The following SYNE1 variants were observed in gnomAD, a reference collection of about 807,000 sequenced individuals.
SYNE1 encodes the protein spectrin repeat containing nuclear envelope protein 1, also known as nesprin-1.
A neutral mutation model predicts 1,111.0 loss-of-function variants in SYNE1; 616 were observed. The ratio of observed to expected loss-of-function variants is 0.55; its 90% CI spans 0.52 to 0.59. The LOEUF is 0.59. SYNE1 is among the 20% of genes least tolerant of loss of function. The pLI is 0.00. For synonymous variants in SYNE1, 3,855 were observed against 3,825.8 expected (o/e 1.01, Z -0.28); for missense variants, 10,006 against 10,417.0 (o/e 0.96, Z 1.72).
chr6:152,387,175 G>T lies in SYNE1; in HGVS notation c.8384C>A (p.Ala2795Glu). ...DHTRALHRLIAKSRELYEKTE... is the reference protein window; with the variant it reads ...DHTRALHRLIEKSRELYEKTE... ...CTTTTCGTAGAGCTCCCTGGACTTC[G>T]CAATTAGACGGTGAAGGGCTCTCGT... Residue 2795 changes from alanine (A) to glutamate (E), a missense_variant, in exon 54 of 146, where the codon GCG (alanine) becomes GAG (glutamate). Coordinates refer to ENST00000367255, the MANE Select transcript of SYNE1 (RefSeq NM_182961.4). 6.2e-7 allele frequency: 1 copy of T among 1,613,906 alleles called. No homozygotes were observed. Among genetic ancestry groups the T allele is most frequent in the Non-Finnish European group, 8.5e-7 (1 of 1,179,966 alleles).
Position 152,488,416 on chromosome 6 carries a change from T to C in SYNE1, c.1027A>G (p.Asn343Asp), listed in dbSNP as rs1289374962. Reference protein sequence around the residue: ...DLTRAQMVESNLQDKYQSFKH... With the variant: ...DLTRAQMVESDLQDKYQSFKH... Reference sequence around the variant, plus strand: ...AATACCTGATATTTATCCTGTAAATTTGATTCCACCATCTGTGCTCTTGTC... The same window carrying C: ...AATACCTGATATTTATCCTGTAAATCTGATTCCACCATCTGTGCTCTTGTC... Residue 343 changes from asparagine (N) to aspartate (D), a missense_variant, in exon 12 of 146, where the codon AAT (asparagine) becomes GAT (aspartate). Physicochemically the swap from Asn to Asp is conservative, Grantham distance 23. This residue lies in a region of SYNE1 where 1,971 missense variants were observed against 2,084.1 expected (regional missense o/e 0.95). Coordinates refer to ENST00000367255, the MANE Select transcript of SYNE1 (RefSeq NM_182961.4). 2.5e-6 allele frequency: 4 copies of C among 1,604,390 alleles called. No homozygotes were observed. Among genetic ancestry groups the C allele is most frequent in the African/African-American group, 1.3e-5 (1 of 74,688 alleles).
intron 130 of SYNE1, among the ~76,000 whole-genome samples, chr6:152,164,907 G>T (rs1201926657): frequency 6.6e-6 from 1 of 152,126 alleles, no homozygotes; most frequent in Non-Finnish European, 1.5e-5. Context: ...AGCTGCTAGG[G>T]TGTCATCTTG....
In SYNE1 at chr6:152,391,342, G is replaced by A. The variant is rs1554610128; in HGVS notation, c.7939C>T (p.Leu2647=). 11 of 1,614,142 alleles carry A rather than the reference G, an allele frequency of 6.8e-6. No homozygotes were observed. The highest frequency in any genetic ancestry group is 9.3e-6 in the Non-Finnish European group (11 of 1,180,020). ...WFWVKAIQDR[L]ACAESTLGSK... ...CCAAGAGTGCTCTCTGCACAGGCCAGTCTGTCCTGAATGGCCTTCACCCAG... is the reference window on the plus strand; with the variant it reads ...CCAAGAGTGCTCTCTGCACAGGCCAATCTGTCCTGAATGGCCTTCACCCAG... The change falls in exon 52 of 146, where the codon CTG becomes TTG. Residue 2647 remains leucine, a synonymous_variant. Transcript: ENST00000367255.
chr6:152,535,644 AT>A (rs2099231343), intron 4 of SYNE1, among the ~76,000 whole-genome samples: 1 of 152,190 alleles, frequency 6.6e-6, no homozygotes, highest in Non-Finnish European at 1.5e-5. Context: ...ATTCCATTCT[AT>A]TTGATAAAAT....
chr6:152,355,885 T>C (rs1032619740), intron 66 of SYNE1, among the ~76,000 whole-genome samples: 6 of 152,306 alleles, frequency 3.9e-5, no homozygotes, highest in African/African-American at 1.4e-4. Flanking sequence ...AAAATAACAT[T>C]CTCACATGGT....
intron 54 of SYNE1, 94 bp downstream of exon 54, chr6:152,386,978 C>T (rs916183804): frequency 3.0e-5 from 34 of 1,152,492 alleles, no homozygotes; most frequent in Non-Finnish European, 3.7e-5. Flanking sequence ...TTCTTCTTTA[C>T]CTGACCTTGG....
intron 106 of SYNE1, 131 bp downstream of exon 106, chr6:152,244,406 T>G (rs546785336): frequency 7.2e-7 from 1 of 1,387,522 alleles, no homozygotes; most frequent in Admixed American, 1.8e-5. Flanking sequence ...TTCTAAGAGT[T>G]GCTTGGTAGA....
intron 42 of SYNE1, among the ~76,000 whole-genome samples, chr6:152,412,934 C>T (rs1245806815): frequency 6.6e-6 from 1 of 150,468 alleles, no homozygotes; most frequent in Non-Finnish European, 1.5e-5. Context: ...TCACTGCAAC[C>T]TACACCTCCA....
At chr6:152,539,705 G>A (rs1225461964) in intron 4 of SYNE1, among the ~76,000 whole-genome samples, 10 of 152,064 alleles carry the variant, frequency 6.6e-5, no homozygotes, top group Non-Finnish European at 1.5e-4. Flanking sequence ...AAAAATAATT[G>A]GATGAAATAG....
chr6:152,417,009 C>T lies in SYNE1; in HGVS notation c.5428G>A (p.Ala1810Thr). The change falls in exon 41 of 146, where the codon GCA becomes ACA. Residue 1810 changes from alanine to threonine, a missense_variant. Coordinates refer to ENST00000367255, the MANE Select transcript of SYNE1 (RefSeq NM_182961.4). ...QVALTRHKDH[A>T]AEVESKKGEL... ...CCCTTTTTGCTCTCTACTTCTGCTG[C>T]GTGGTCCTGGAAGGGAAGAGAGAGT... The T allele has an allele frequency of 6.2e-7, 1 of 1,613,988 alleles. No homozygotes were observed.
intron 14 of SYNE1, among the ~76,000 whole-genome samples, chr6:152,480,032 AAT>A (rs2098876243): frequency 6.6e-6 from 1 of 152,194 alleles, no homozygotes; most frequent in Admixed American, 6.5e-5. Context: ...CAAAAACCAG[AAT>A]TACTTTTTAG....
chr6:152,469,496 CAT>C (rs1470276240), intron 16 of SYNE1, among the ~76,000 whole-genome samples: 9 of 152,152 alleles, frequency 5.9e-5, no homozygotes, highest in Non-Finnish European at 8.8e-5. Context: ...CATGCTGCCT[CAT>C]ATATAACTAA....
chr6:152,143,031 G>A (rs565742486), intron 138 of SYNE1, among the ~76,000 whole-genome samples: 4 of 152,154 alleles, frequency 2.6e-5, no homozygotes, highest in Non-Finnish European at 4.4e-5. Context: ...TCAGTAACTC[G>A]AGTAGGGCAA....
intron 4 of SYNE1, among the ~76,000 whole-genome samples, chr6:152,527,028 C>T (rs1052418812): frequency 6.6e-6 from 1 of 152,170 alleles, no homozygotes; most frequent in African/African-American, 2.4e-5. Flanking sequence ...GGGAGGTGTT[C>T]ACTGATTTAT....
At chr6:152,366,999 CG>C in intron 62 of SYNE1, 1 of 703,712 alleles carries the variant, frequency 1.4e-6, no homozygotes, top group Non-Finnish European at 2.6e-6. Context: ...TAATCACATT[CG>C]GGCTTTATTT....
chr6:152,503,667 T>C (rs919902648), intron 9 of SYNE1, among the ~76,000 whole-genome samples: 6 of 152,174 alleles, frequency 3.9e-5, no homozygotes, highest in African/African-American at 1.4e-4. Context: ...GTATAATTTC[T>C]AGAGACTTGC....
Position 152,133,427 on chromosome 6 carries a change from C to G in SYNE1, c.25850G>C (p.Cys8617Ser), listed in dbSNP as rs938109329. The G allele has an allele frequency of 6.2e-7, 1 of 1,614,068 alleles. No individual in the cohort carries two copies. The highest frequency in any genetic ancestry group is 8.5e-7 in the Non-Finnish European group (1 of 1,180,046). ...LRVASLQDMSCQLLVNAEGTD... is the reference protein window; with the variant it reads ...LRVASLQDMSSQLLVNAEGTD... ...TCCTTCAGCATTCACCAGTAGTTGG[C>G]AAGACATGTCTTGCAAAGAGGCTAC... The change falls in exon 143 of 146, where the codon TGC becomes TCC. Residue 8617 changes from cysteine (C) to serine (S), a missense_variant. By Grantham distance (112) the Cys-to-Ser change is moderately radical. This residue lies in a region of SYNE1 where 761 missense variants were observed against 795.5 expected (regional missense o/e 0.96). Coordinates refer to ENST00000367255, the MANE Select transcript of SYNE1 (RefSeq NM_182961.4).
At chr6:152,204,605 A>C (rs568228327) in intron 126 of SYNE1, among the ~76,000 whole-genome samples, 2 of 152,324 alleles carry the variant, frequency 1.3e-5, no homozygotes, top group East Asian at 3.9e-4. Flanking sequence ...AGATTCATAA[A>C]TTCCTTCTTA....
At chr6:152,369,982 C>CAAAA (rs778013525) in intron 59 of SYNE1, among the ~76,000 whole-genome samples, 833 of 49,970 alleles carry the variant, frequency 0.017, 107 homozygotes, top group African/African-American at 0.067. Context: ...GACTCTGTCT[C>CAAAA]AAAAAAAAAA....
Sources: gnomAD v4.1 joint callset for allele counts (sites outside exome capture counted in the v4.1 genomes callset) on GRCh38, gnomAD v4.1.1 for gene constraint, gnomAD v4.1.1 regional missense constraint, MANE v1.5 for transcripts, NCBI Gene and HGNC (gene_info 2026-07-23, HGNC 2026-07-21) for gene names.